Variants in LCP1 observed in about 807,000 individuals in gnomAD.
The protein encoded by LCP1 is lymphocyte cytosolic protein 1, also known as plastin-2.
In LCP1, 23 loss-of-function variants were observed where a neutral mutation model predicts 72.0. The observed-to-expected ratio is 0.32, with a 90% CI of 0.23 to 0.45. The LOEUF is 0.45. Among genes scored for constraint, LCP1 ranks in the 20% least tolerant of loss-of-function variants. The probability of loss-of-function intolerance (pLI) is 1.00; values close to 1 mark genes in which losing one functional copy is unlikely to be tolerated. For synonymous variants in LCP1, 245 were observed against 275.4 expected (o/e 0.89, Z 1.09); for missense variants, 571 against 748.3 (o/e 0.76, Z 2.76).
intron 8 of LCP1, among the ~76,000 whole-genome samples, chr13:46,149,359 C>G (rs901532985): frequency 1.3e-5 from 2 of 152,076 alleles, no homozygotes; most frequent in Admixed American, 6.5e-5. Flanking sequence ...TCTTCATCTC[C>G]CTTCTATCTA....
At chr13:46,135,910 G>A (rs2045662333) in intron 13 of LCP1, among the ~76,000 whole-genome samples, 1 of 151,960 alleles carries the variant, frequency 6.6e-6, no homozygotes, top group South Asian at 2.1e-4. Flanking sequence ...ACATGCCACA[G>A]CTCCCTGCTT....
intron 6 of LCP1, 83 bp from the exon 7 acceptor site, chr13:46,153,028 T>C (rs1490964343): frequency 1.5e-6 from 2 of 1,354,658 alleles, no homozygotes; most frequent in East Asian, 4.8e-5. Flanking sequence ...AACAATGTTT[T>C]CCTTCTGCGA....
intron 8 of LCP1, among the ~76,000 whole-genome samples, chr13:46,150,486 A>G (rs1168924224): frequency 6.6e-6 from 1 of 152,170 alleles, no homozygotes; most frequent in Non-Finnish European, 1.5e-5. Context: ...ACACATATAA[A>G]TCAGTTAGAA....
At chr13:46,145,968 T>C (rs982085337) in intron 10 of LCP1, among the ~76,000 whole-genome samples, 13 of 79,782 alleles carry the variant, frequency 1.6e-4, no homozygotes, top group Non-Finnish European at 1.9e-4. Context: ...GGATGGGAGG[T>C]GGGCTGGAAA....
At chr13:46,159,390 A>T (rs1450899552) in intron 2 of LCP1, 5 of 580,386 alleles carry the variant, frequency 8.6e-6, no homozygotes, top group Non-Finnish European at 1.5e-5. Context: ...ACTATGTAAG[A>T]GTAGAGTCCA....
chr13:46,146,139 AC>A (rs1340218923), intron 10 of LCP1, among the ~76,000 whole-genome samples: 2 of 151,990 alleles, frequency 1.3e-5, no homozygotes, highest in Admixed American at 1.3e-4. Context: ...AATACACACA[AC>A]CCCCTGACCA....
chr13:46,166,505 G>A (rs972585658), intron 1 of LCP1, among the ~76,000 whole-genome samples: 3 of 152,206 alleles, frequency 2.0e-5, no homozygotes, highest in East Asian at 3.9e-4. Flanking sequence ...AAGTCAAACC[G>A]GACACTCAGG....
At chr13:46,134,733 T>G (rs1448839784) in intron 13 of LCP1, among the ~76,000 whole-genome samples, 7 of 152,172 alleles carry the variant, frequency 4.6e-5, no homozygotes, top group Non-Finnish European at 1.0e-4. Flanking sequence ...AGAATTACCT[T>G]AGATACCTAC....
chr13:46,149,293 TAGAA>T (rs2045749062), intron 8 of LCP1, among the ~76,000 whole-genome samples: 1 of 152,148 alleles, frequency 6.6e-6, no homozygotes, highest in African/African-American at 2.4e-5. Flanking sequence ...CTTTTGGCAT[TAGAA>T]AGAGGAGAAC....
chr13:46,175,292 TGGAAGGGGAAA>T (rs1379013102), intron 1 of LCP1, among the ~76,000 whole-genome samples: 2 of 151,872 alleles, frequency 1.3e-5, no homozygotes, highest in Non-Finnish European at 2.9e-5. Context: ...CATGGGAAAA[TGGAAGGGGAAA>T]ATAACCCACA....
In LCP1 at chr13:46,145,725, T is replaced by C. The variant is rs981486696; in HGVS notation, c.1174+1183A>G. ...GAGATCGAGACCATCCCGGCTAAAA[T>C]GGTGAAACCCCGTCTCTACTAAAAA... On this transcript the variant is annotated intron_variant, in intron 10 of 15. Transcript: ENST00000323076. 9.6e-5 allele frequency among the ~76,000 whole-genome samples: 8 copies of C among 83,458 alleles called. 2 individuals are homozygous for C. The highest frequency in any genetic ancestry group is 2.3e-4 in the South Asian group (1 of 4,292). 54.8% of individuals were successfully genotyped at this position (83,458 alleles called of 152,430 possible).
intron 15 of LCP1, among the ~76,000 whole-genome samples, chr13:46,129,038 A>G (rs946998617): frequency 6.6e-6 from 1 of 152,208 alleles, no homozygotes; most frequent in Admixed American, 6.5e-5. Flanking sequence ...CTCTCTCTCA[A>G]TAACTTCTTC....
chr13:46,155,677 C>A (rs1325931235), intron 5 of LCP1, among the ~76,000 whole-genome samples: 2 of 152,128 alleles, frequency 1.3e-5, no homozygotes, highest in African/African-American at 2.4e-5. Flanking sequence ...TGACAGAGAA[C>A]CTGCTGAAGC....
intron 14 of LCP1, among the ~76,000 whole-genome samples, chr13:46,133,594 C>T (rs2045646139): frequency 6.6e-6 from 1 of 151,634 alleles, no homozygotes; most frequent in Admixed American, 6.6e-5. Context: ...CCACTGTACC[C>T]CAGCCTGGGT....
chr13:46,136,114 A>ACAC (rs1566434252), intron 13 of LCP1, among the ~76,000 whole-genome samples: 4 of 114,412 alleles, frequency 3.5e-5, no homozygotes, highest in Admixed American at 1.7e-4. Flanking sequence ...CACACACACA[A>ACAC]AGACCTATAC....
intron 1 of LCP1, among the ~76,000 whole-genome samples, chr13:46,172,820 C>T (rs370143845): frequency 1.3e-5 from 2 of 152,222 alleles, no homozygotes; most frequent in African/African-American, 4.8e-5. Context: ...TTAGAAAATA[C>T]TGCAAAGACA....
intron 1 of LCP1, among the ~76,000 whole-genome samples, chr13:46,165,721 TC>T (rs2045872708): frequency 6.6e-6 from 1 of 152,132 alleles, no homozygotes; most frequent in East Asian, 1.9e-4. Flanking sequence ...CATTTTCAGG[TC>T]TTCTGCAAAT....
intron 1 of LCP1, among the ~76,000 whole-genome samples, chr13:46,167,176 C>T (rs1325120963): frequency 2.0e-5 from 3 of 152,270 alleles, no homozygotes; most frequent in East Asian, 1.9e-4. Flanking sequence ...AGAGACTCAA[C>T]GGCTCTCCTC....
chr13:46,176,225 T>TA (rs1245571193), intron 1 of LCP1, among the ~76,000 whole-genome samples: 3 of 152,130 alleles, frequency 2.0e-5, no homozygotes, highest in African/African-American at 4.8e-5. Flanking sequence ...GCACAAGAAA[T>TA]AAAAAATGTT....
Sources: allele counts gnomAD v4.1 joint callset (sites outside exome capture counted in the v4.1 genomes callset), GRCh38; gene constraint gnomAD v4.1.1; transcripts MANE v1.5; gene names NCBI Gene and HGNC (gene_info 2026-07-23, HGNC 2026-07-21).